FCHSD2: variants seen among roughly 807,000 people sequenced by gnomAD.
FCHSD2 encodes F-BAR and double SH3 domains protein 2.
A neutral mutation model predicts 108.1 loss-of-function variants in FCHSD2; 38 were observed. The observed-to-expected ratio is 0.35, with a 90% CI of 0.27 to 0.46. The LOEUF is 0.46. Ranked by LOEUF, FCHSD2 falls within the 20% of genes least tolerant of loss-of-function variation. The pLI, the probability that FCHSD2 is intolerant of heterozygous loss-of-function variation, is 1.00. For missense variants in FCHSD2, 751 were observed against 897.8 expected, an observed-to-expected ratio of 0.84 and a Z score of 2.09; for synonymous variants, 279 against 314.7, an observed-to-expected ratio of 0.89 and a Z score of 1.20.
chr11:72,890,701 T>C (rs1028281949), intron 10 of FCHSD2, among the ~76,000 whole-genome samples: 3 of 151,818 alleles, frequency 2.0e-5, no homozygotes, highest in African/African-American at 7.3e-5. Flanking sequence ...CCTGATGATG[T>C]GGGTCCCACA....
At chr11:73,077,133 A>T (rs1176375361) in intron 3 of FCHSD2, among the ~76,000 whole-genome samples, 1 of 151,444 alleles carries the variant, frequency 6.6e-6, no homozygotes, top group African/African-American at 2.4e-5. Flanking sequence ...AAAAAAGAAA[A>T]AAAAAAGTTT....
In FCHSD2 at chr11:72,989,223, T is replaced by A. The variant is rs1857365943; in HGVS notation, c.388-126A>T. On this transcript the variant is annotated intron_variant, in intron 5 of 19. Transcript: ENST00000409418. ...CCAGGGGAAAAGTCAGTACGTTCAG[T>A]GTCCTTCAAATTGCAGATTAAAATC... 1.3e-5 allele frequency: 8 copies of A among 628,114 alleles called. No homozygotes were observed. The Admixed American group carries it at 2.3e-4, about 18-fold the overall frequency. The allele number at this position is 628,114 out of a possible 1,614,324, so 38.9% of individuals were successfully genotyped here. A position where few individuals can be genotyped will look rare whatever the true frequency, so the allele number is the denominator to read the frequency against.
At chr11:72,927,830 T>C (rs931155187) in intron 8 of FCHSD2, among the ~76,000 whole-genome samples, 120 of 152,352 alleles carry the variant, frequency 7.9e-4, no homozygotes, top group African/African-American at 2.4e-3. Context: ...CAATAGGTAC[T>C]GTTACTGTAG....
At chr11:73,099,392 C>T (rs1860162843) in intron 2 of FCHSD2, among the ~76,000 whole-genome samples, 1 of 152,192 alleles carries the variant, frequency 6.6e-6, no homozygotes, top group African/African-American at 2.4e-5. Context: ...AACAGCTTGG[C>T]AGTTCCTCAA....
At chr11:72,921,124 T>C (rs1855969247) in intron 9 of FCHSD2, among the ~76,000 whole-genome samples, 1 of 152,178 alleles carries the variant, frequency 6.6e-6, no homozygotes, top group Admixed American at 6.5e-5. Flanking sequence ...ATGAAATGCG[T>C]ATTTTTAAAA....
intron 3 of FCHSD2, among the ~76,000 whole-genome samples, chr11:73,025,221 A>T (rs1858199025): frequency 6.6e-6 from 1 of 152,246 alleles, no homozygotes; most frequent in Admixed American, 6.5e-5. Context: ...CACAGTAGAA[A>T]AGACATGGAA....
intron 3 of FCHSD2, among the ~76,000 whole-genome samples, chr11:73,036,162 T>C (rs1209422429): frequency 2.0e-5 from 3 of 152,138 alleles, no homozygotes; most frequent in Non-Finnish European, 2.9e-5. Flanking sequence ...GATTAGAACA[T>C]GGGTCATTTG....
intron 3 of FCHSD2, among the ~76,000 whole-genome samples, chr11:73,054,185 C>T (rs928132254): frequency 2.0e-5 from 3 of 151,548 alleles, no homozygotes; most frequent in Non-Finnish European, 4.4e-5. Flanking sequence ...CCATATGGCC[C>T]TCAAAGCATA....
intron 3 of FCHSD2, among the ~76,000 whole-genome samples, chr11:73,022,376 A>G (rs1858129753): frequency 6.6e-6 from 1 of 152,226 alleles, no homozygotes; most frequent in Admixed American, 6.5e-5. Context: ...TGAAGAATCT[A>G]CCAAAAAACC....
At chr11:73,031,801 C>T (rs1470226944) in intron 3 of FCHSD2, among the ~76,000 whole-genome samples, 1 of 152,076 alleles carries the variant, frequency 6.6e-6, no homozygotes, top group African/African-American at 2.4e-5. Flanking sequence ...TAAGAGCTGG[C>T]ACAGCAGCCT....
intron 2 of FCHSD2, among the ~76,000 whole-genome samples, chr11:73,139,441 C>T (rs1565109661): frequency 6.6e-6 from 1 of 152,154 alleles, no homozygotes; most frequent in Non-Finnish European, 1.5e-5. Flanking sequence ...AGTCATCCAT[C>T]CCTCTAGTAA....
chr11:72,920,603 T>C (rs1185556778), intron 9 of FCHSD2, among the ~76,000 whole-genome samples: 1 of 152,064 alleles, frequency 6.6e-6, no homozygotes, highest in Non-Finnish European at 1.5e-5. Flanking sequence ...AACAACAAAA[T>C]TGTTCACTCA....
intron 12 of FCHSD2, among the ~76,000 whole-genome samples, chr11:72,870,856 C>T (rs113107956): frequency 3.6e-5 from 5 of 138,346 alleles, no homozygotes; most frequent in Admixed American, 2.3e-4. Flanking sequence ...GCCGAGATTG[C>T]GCCACTGCAC....
chr11:72,987,478 A>C (rs1209799995), intron 6 of FCHSD2, among the ~76,000 whole-genome samples: 2 of 152,192 alleles, frequency 1.3e-5, no homozygotes, highest in African/African-American at 4.8e-5. Context: ...AGCTTACCTT[A>C]CTCATCTCTG....
intron 2 of FCHSD2, among the ~76,000 whole-genome samples, chr11:73,128,547 T>C (rs1289901048): frequency 2.0e-5 from 3 of 151,816 alleles, no homozygotes; most frequent in African/African-American, 7.3e-5. Context: ...TCTTCCCTGG[T>C]GGAACAAAAG....
chr11:72,988,583 G>C (rs1222183946), intron 6 of FCHSD2, among the ~76,000 whole-genome samples: 1 of 152,120 alleles, frequency 6.6e-6, no homozygotes, highest in Non-Finnish European at 1.5e-5. Context: ...GAGGATCACA[G>C]GAATTTCCAA....
chr11:73,092,209 T>A (rs1859975379), intron 2 of FCHSD2, among the ~76,000 whole-genome samples: 1 of 152,058 alleles, frequency 6.6e-6, no homozygotes, highest in Non-Finnish European at 1.5e-5. Context: ...CTCACAGCAG[T>A]CTCTAACTCA....
At chr11:72,874,719 A>G (rs529546956) in intron 12 of FCHSD2, among the ~76,000 whole-genome samples, 37 of 152,290 alleles carry the variant, frequency 2.4e-4, no homozygotes, top group Middle Eastern at 3.4e-3. Context: ...GTATTTGCCA[A>G]CTCAGATTTA....
chr11:73,136,165 GAA>G (rs1185429559), intron 2 of FCHSD2, among the ~76,000 whole-genome samples: 1 of 81,648 alleles, frequency 1.2e-5, no homozygotes, highest in African/African-American at 4.8e-5. Context: ...TGTCTCTTAA[GAA>G]AAAAAAAAAA....
Sources: allele counts gnomAD v4.1 joint callset (sites outside exome capture counted in the v4.1 genomes callset), GRCh38; gene constraint gnomAD v4.1.1; transcripts MANE v1.5; gene names NCBI Gene and HGNC (gene_info 2026-07-23, HGNC 2026-07-21).